Variants in TMEM165 observed in about 807,000 individuals in gnomAD.
TMEM165 encodes the protein putative divalent cation/proton antiporter TMEM165.
TMEM165 carries 19 observed loss-of-function variants against 30.0 expected under a neutral mutation model. The ratio of observed to expected loss-of-function variants is 0.63; its 90% CI spans 0.44 to 0.93. TMEM165 has a LOEUF of 0.93. TMEM165 is among the 40% of genes least tolerant of loss of function. The pLI, the probability that TMEM165 is intolerant of heterozygous loss-of-function variation, is 0.00. For missense variants in TMEM165, 340 were observed against 417.0 expected (o/e 0.82, Z 1.61); for synonymous variants, 168 against 162.9 (o/e 1.03, Z -0.24).
intron 1 of TMEM165, among the ~76,000 whole-genome samples, chr4:55,403,504 T>TC (rs1442280271): frequency 6.7e-6 from 1 of 148,434 alleles, no homozygotes; most frequent in Non-Finnish European, 1.5e-5. Flanking sequence ...TTTTCTTTTT[T>TC]TTTTTTTTAC....
intron 3 of TMEM165, among the ~76,000 whole-genome samples, chr4:55,446,106 T>C (rs1192520230): frequency 3.4e-5 from 5 of 148,948 alleles, no homozygotes; most frequent in Admixed American, 6.7e-5. Context: ...AACTTCTTTT[T>C]TTTTTTTTTT....
chr4:55,398,687 A>G (rs1193144668), intron 1 of TMEM165, among the ~76,000 whole-genome samples: 1 of 152,074 alleles, frequency 6.6e-6, no homozygotes, highest in Non-Finnish European at 1.5e-5. Flanking sequence ...ATCTGCCCCT[A>G]CTAGCTTTTA....
At chr4:55,401,157 C>T (rs1344051815) in intron 1 of TMEM165, among the ~76,000 whole-genome samples, 2 of 148,700 alleles carry the variant, frequency 1.3e-5, no homozygotes, top group Admixed American at 6.6e-5. Context: ...AGCAAGGTGA[C>T]TGAACTTCTA....
chr4:55,448,722 G>T, intron 3 of TMEM165: 1 of 1,353,206 alleles, frequency 7.4e-7, no homozygotes. Context: ...AATTACATTA[G>T]CTTAAAAGCA....
At chr4:55,400,286 TATTA>T (rs1720920280) in intron 1 of TMEM165, among the ~76,000 whole-genome samples, 1 of 98,568 alleles carries the variant, frequency 1.0e-5, no homozygotes, top group Non-Finnish European at 1.8e-5. Flanking sequence ...TAATATTATA[TATTA>T]TATATAATAT....
intron 3 of TMEM165, chr4:55,435,444 G>A: frequency 6.2e-7 from 1 of 1,613,998 alleles, no homozygotes. Context: ...GAAGGGTCGG[G>A]CAAGCTGTCA....
intron 1 of TMEM165, among the ~76,000 whole-genome samples, chr4:55,405,842 C>T (rs1386625929): frequency 6.6e-6 from 1 of 152,210 alleles, no homozygotes; most frequent in Non-Finnish European, 1.5e-5. Flanking sequence ...AATGACTTCC[C>T]TCTTGCCTCT....
At chr4:55,427,112 C>CA (rs1487846237), downstream of TMEM165, among the ~76,000 whole-genome samples, 1 of 151,160 alleles carries the variant, frequency 6.6e-6, no homozygotes, top group African/African-American at 2.4e-5. Flanking sequence ...TGGCTCACTG[C>CA]AACCTCCACC....
chr4:55,410,113 T>C (rs976618759), intron 1 of TMEM165, among the ~76,000 whole-genome samples: 3 of 152,166 alleles, frequency 2.0e-5, no homozygotes, highest in African/African-American at 7.2e-5. Context: ...CTTTTCTCTT[T>C]CTTCTTATTT....
downstream of TMEM165, among the ~76,000 whole-genome samples, chr4:55,426,900 G>T (rs1722226336): frequency 6.6e-6 from 1 of 152,186 alleles, no homozygotes; most frequent in African/African-American, 2.4e-5. Flanking sequence ...GGTCATATTT[G>T]TAGTTTTCTG....
chr4:55,452,983 A>G (rs1577706691), exon 4 of TMEM165: 1 of 1,059,172 alleles, frequency 9.4e-7, no homozygotes. Flanking sequence ...TAGTTTTCCT[A>G]TTAATTATTG....
intron 3 of TMEM165, chr4:55,449,461 GA>G: frequency 6.2e-7 from 1 of 1,613,994 alleles, no homozygotes; most frequent in Non-Finnish European, 8.5e-7. Context: ...TGCCTGGGTG[GA>G]GTGCTCGTAT....
intron 1 of TMEM165, among the ~76,000 whole-genome samples, chr4:55,398,591 T>G (rs1720824753): frequency 6.6e-6 from 1 of 152,204 alleles, no homozygotes; most frequent in South Asian, 2.1e-4. Context: ...TCTTTCTCCT[T>G]TTTTGGGAAC....
intron 3 of TMEM165, among the ~76,000 whole-genome samples, chr4:55,448,339 A>G (rs1724054127): frequency 6.6e-6 from 1 of 152,204 alleles, no homozygotes; most frequent in East Asian, 1.9e-4. Context: ...GAACAGCTAC[A>G]TTTCATCCTT....
intron 3 of TMEM165, chr4:55,444,512 T>C: frequency 8.5e-7 from 1 of 1,179,074 alleles, no homozygotes; most frequent in Admixed American, 1.7e-5. Flanking sequence ...AGTGAATATT[T>C]ATTGAACTGA....
chr4:55,402,044 G>A (rs561030220), intron 1 of TMEM165, among the ~76,000 whole-genome samples: 56 of 146,902 alleles, frequency 3.8e-4, no homozygotes, highest in Admixed American at 2.2e-3. Flanking sequence ...CTTGAGCCCG[G>A]GAGGTGGAGG....
chr4:55,452,886 G>C (rs1432290214), exon 4 of TMEM165: 2 of 530,090 alleles, frequency 3.8e-6, no homozygotes, highest in Admixed American at 6.6e-5. Context: ...AGAGGCAGGT[G>C]AGACTCTAAA....
At chr4:55,398,456 GC>G (rs1417879599) in intron 1 of TMEM165, among the ~76,000 whole-genome samples, 1 of 152,184 alleles carries the variant, frequency 6.6e-6, no homozygotes, top group Non-Finnish European at 1.5e-5. Context: ...GGACTTCTGT[GC>G]CTTACTAAGT....
At chr4:55,396,625 A>G (rs534357444) in intron 1 of TMEM165, among the ~76,000 whole-genome samples, 3 of 152,082 alleles carry the variant, frequency 2.0e-5, no homozygotes, top group Non-Finnish European at 4.4e-5. Context: ...CCCGCTATAA[A>G]CGTTGATCTC....
Sources: allele counts gnomAD v4.1 joint callset (sites outside exome capture counted in the v4.1 genomes callset), GRCh38; gene constraint gnomAD v4.1.1; transcripts MANE v1.5; gene names NCBI Gene and HGNC (gene_info 2026-07-23, HGNC 2026-07-21).